The following PHF3 variants were observed in gnomAD, a reference collection of about 807,000 sequenced individuals.
The protein encoded by PHF3 is PHD finger protein 3.
PHF3 carries 41 observed loss-of-function variants against 178.4 expected under a neutral mutation model. That is an observed-to-expected ratio of 0.23 (90% CI 0.18 to 0.30). PHF3 has a LOEUF of 0.30. PHF3 is among the 10% of genes least tolerant of loss of function. The pLI, the probability that PHF3 is intolerant of heterozygous loss-of-function variation, is 1.00. For synonymous variants in PHF3, 842 were observed against 800.5 expected (o/e 1.05, Z -0.88); for missense variants, 2,346 against 2,398.1 (o/e 0.98, Z 0.45).
At chr6:63,673,127 T>A (rs1055201119) in intron 2 of PHF3, among the ~76,000 whole-genome samples, 3 of 152,016 alleles carry the variant, frequency 2.0e-5, no homozygotes, top group Non-Finnish European at 4.4e-5. Flanking sequence ...TTTTTTTTTT[T>A]AATGTCAACA....
intron 2 of PHF3, among the ~76,000 whole-genome samples, chr6:63,665,475 G>GTTT: frequency 7.4e-6 from 1 of 135,414 alleles, no homozygotes; most frequent in Non-Finnish European, 1.6e-5. Context: ...TTCGCTTTGT[G>GTTT]GTTTTTTTTT....
chr6:63,694,239 A>C (rs1464144230), intron 5 of PHF3, among the ~76,000 whole-genome samples: 1 of 152,220 alleles, frequency 6.6e-6, no homozygotes, highest in African/African-American at 2.4e-5. Context: ...TAATTGATAC[A>C]CTTGCTAGTA....
intron 1 of PHF3, chr6:63,636,527 G>A (rs561758673): frequency 1.3e-5 from 2 of 152,318 alleles, no homozygotes; most frequent in East Asian, 3.9e-4. Flanking sequence ...GCGCTGCCTG[G>A]AAGGCCCGTC....
chr6:63,706,956 G>A, intron 13 of PHF3, 80 bp downstream of exon 13: 1 of 1,201,198 alleles, frequency 8.3e-7, no homozygotes, highest in Non-Finnish European at 1.2e-6. Flanking sequence ...AAATAAGACA[G>A]AGTTAGTAAT....
intron 1 of PHF3, among the ~76,000 whole-genome samples, chr6:63,642,660 C>A (rs181194019): frequency 3.3e-5 from 5 of 152,216 alleles, no homozygotes; most frequent in East Asian, 1.9e-4. Context: ...TTAAAATACA[C>A]CCTATATAGG....
rs576002176 is a variant in PHF3 at position 63,661,193 on chromosome 6, T to G, written c.244+14398T>G. On this transcript the variant is annotated intron_variant, in intron 2 of 15. Transcript: ENST00000262043. ...GCCATACTTTAATTATTAAAGATAT[T>G]TAAATAATTTACCTCCAGGAAGGCA... is the stretch of plus-strand genomic sequence containing the variant. 2.0e-5 allele frequency among the ~76,000 whole-genome samples: 3 copies of G among 152,316 alleles called. No homozygotes were observed. In the East Asian group the frequency reaches 5.8e-4, roughly 29 times the overall value.
chr6:63,709,401 T>C (rs1434868626), intron 14 of PHF3, among the ~76,000 whole-genome samples, 161 bp downstream of exon 14: 1 of 152,038 alleles, frequency 6.6e-6, no homozygotes, highest in Admixed American at 6.6e-5. Flanking sequence ...AGCCATTTGC[T>C]GAGGCTGTCA....
intron 4 of PHF3, among the ~76,000 whole-genome samples, chr6:63,690,085 C>T (rs897336104): frequency 1.3e-5 from 2 of 152,098 alleles, no homozygotes; most frequent in African/African-American, 4.8e-5. Flanking sequence ...TTTTAAACAC[C>T]TGCATTTCAA....
intron 5 of PHF3, 106 bp from the exon 6 acceptor site, chr6:63,694,475 G>C (rs765739228): frequency 2.7e-4 from 205 of 767,770 alleles, no homozygotes; most frequent in Non-Finnish European, 3.8e-4. Flanking sequence ...TCGAATGAAA[G>C]AGTGAATCTC....
chr6:63,675,550 A>G (rs2085168765), intron 2 of PHF3, among the ~76,000 whole-genome samples: 1 of 152,178 alleles, frequency 6.6e-6, no homozygotes. Context: ...TCTGAAGGCA[A>G]TGTAGAGCTT....
chr6:63,705,689 G>C (rs1338032000), intron 11 of PHF3, among the ~76,000 whole-genome samples: 1 of 152,140 alleles, frequency 6.6e-6, no homozygotes, highest in Non-Finnish European at 1.5e-5. Flanking sequence ...CTCATGATAT[G>C]TTTTACATGT....
At position 63,646,258 on chromosome 6, in the gene PHF3, TC is replaced by T. The variant is rs1366968775; in HGVS notation, c.-25-267del. 2.0e-5 allele frequency among the ~76,000 whole-genome samples: 3 copies of T among 152,132 alleles called. No homozygotes were observed. The East Asian group carries it at 5.8e-4, about 29-fold the overall frequency. On this transcript the variant is annotated intron_variant, in intron 1 of 15. Coordinates refer to ENST00000262043, the MANE Select transcript of PHF3 (RefSeq NM_001370348.2). ...ATGGACTATATACATAGTTTTTTTTTCCTAAAAATAATGAACTGAGTAAACA... is the reference window on the plus strand; with the variant it reads ...ATGGACTATATACATAGTTTTTTTTTCTAAAAATAATGAACTGAGTAAACA...
chr6:63,671,364 G>A (rs1288047790), intron 2 of PHF3, among the ~76,000 whole-genome samples: 2 of 152,214 alleles, frequency 1.3e-5, no homozygotes, highest in African/African-American at 4.8e-5. Context: ...TATTAGGTTA[G>A]TGCAAAATTG....
At chr6:63,657,971 G>C (rs1765307863) in intron 2 of PHF3, among the ~76,000 whole-genome samples, 1 of 152,174 alleles carries the variant, frequency 6.6e-6, no homozygotes, top group African/African-American at 2.4e-5. Context: ...TCATTAGATG[G>C]TAACTGTCCT....
chr6:63,672,908 G>A (rs1255876650), intron 2 of PHF3, among the ~76,000 whole-genome samples: 1 of 152,120 alleles, frequency 6.6e-6, no homozygotes, highest in East Asian at 1.9e-4. Flanking sequence ...CCTCACTGCC[G>A]ATTTCTGTAT....
In PHF3 at chr6:63,720,691, C is replaced by G. The variant is rs1768342022; in HGVS notation, c.*6983C>G. 5 of 1,548,170 alleles carry G rather than the reference C, an allele frequency of 3.2e-6. No homozygotes were observed. Among genetic ancestry groups the G allele is most frequent in the Non-Finnish European group, 4.4e-6 (5 of 1,145,580 alleles). ...TTTGGTTCCTGAAAAAATACAACAT[C>G]TTTAATTTTGCCAACAAAATTGGTT... On this transcript the variant is annotated 3_prime_UTR_variant, in exon 16 of 16. Coordinates refer to ENST00000262043, the MANE Select transcript of PHF3 (RefSeq NM_001370348.2).
At chr6:63,660,671 G>A (rs1161489670) in intron 2 of PHF3, among the ~76,000 whole-genome samples, 2 of 152,086 alleles carry the variant, frequency 1.3e-5, no homozygotes, top group African/African-American at 4.8e-5. Flanking sequence ...AGTTTTGAGT[G>A]TTCTTGAGCT....
intron 9 of PHF3, among the ~76,000 whole-genome samples, chr6:63,700,944 A>G (rs1767449044): frequency 6.6e-6 from 1 of 152,048 alleles, no homozygotes; most frequent in African/African-American, 2.4e-5. Context: ...TGATCTTGTC[A>G]GGTTTTTTTC....
chr6:63,679,676 G>A (rs1005152478), intron 2 of PHF3: 1 of 366,712 alleles, frequency 2.7e-6, no homozygotes, highest in Non-Finnish European at 5.3e-6. Context: ...TGATACTTGA[G>A]TACTCCAGGT....
Sources: gnomAD v4.1 joint callset for allele counts (sites outside exome capture counted in the v4.1 genomes callset) on GRCh38, gnomAD v4.1.1 for gene constraint, MANE v1.5 for transcripts, NCBI Gene and HGNC (gene_info 2026-07-23, HGNC 2026-07-21) for gene names.